The following SH3KBP1 variants were observed in gnomAD, a reference collection of about 807,000 sequenced individuals.
SH3KBP1 encodes the protein SH3 domain-containing kinase-binding protein 1.
In SH3KBP1, 8 loss-of-function variants were observed where a neutral mutation model predicts 50.1. The observed-to-expected ratio is 0.16, with a 90% CI of 0.09 to 0.29. SH3KBP1 has a LOEUF of 0.29. SH3KBP1 is among the 10% of genes least tolerant of loss of function. The probability of loss-of-function intolerance (pLI) is 1.00; values close to 1 mark genes in which losing one functional copy is unlikely to be tolerated. For synonymous variants in SH3KBP1, 227 were observed against 218.6 expected (o/e 1.04, Z -0.34); for missense variants, 377 against 535.2 (o/e 0.70, Z 2.92).
chrX:19,548,846 A>AGAGAGAGAGAGAGAG (rs2065160460), intron 14 of SH3KBP1, among the ~76,000 whole-genome samples: 1 of 110,008 alleles, frequency 9.1e-6, no homozygotes, highest in African/African-American at 3.3e-5. Context: ...AGAGAGAGAG[A>AGAGAGAGAGAGAGAG]AATCGAACTT....
chrX:19,852,726 A>G (rs2068542765), intron 1 of SH3KBP1, among the ~76,000 whole-genome samples: 1 of 110,457 alleles, frequency 9.1e-6, no homozygotes, highest in African/African-American at 3.3e-5. Context: ...AGGCCAAATT[A>G]GGCCTGCTGC....
At chrX:19,750,998 A>C (rs2065049664) in intron 2 of SH3KBP1, among the ~76,000 whole-genome samples, 2 of 110,924 alleles carry the variant, frequency 1.8e-5, no homozygotes, top group African/African-American at 6.6e-5. Flanking sequence ...AGTACATCTC[A>C]CCTCCTAAGA....
chrX:19,883,493 A>G (rs1474502943), intron 1 of SH3KBP1, among the ~76,000 whole-genome samples: 1 of 111,496 alleles, frequency 9.0e-6, no homozygotes, highest in Non-Finnish European at 1.9e-5. Flanking sequence ...CCACAGATAT[A>G]CCTAGAAAGC....
At chrX:19,692,187 C>G (rs1404245978) in intron 5 of SH3KBP1, among the ~76,000 whole-genome samples, 2 of 111,065 alleles carry the variant, frequency 1.8e-5, no homozygotes, top group Non-Finnish European at 3.8e-5. Context: ...ATAAAATATC[C>G]ACCAATACAA....
chrX:19,691,915 G>T (rs922547990), intron 5 of SH3KBP1, among the ~76,000 whole-genome samples: 36 of 111,416 alleles, frequency 3.2e-4, no homozygotes, highest in African/African-American at 1.1e-3. Flanking sequence ...GCGTGCAGAG[G>T]GCTATAATTT....
At chrX:19,701,150 A>C (rs2063526870) in intron 4 of SH3KBP1, among the ~76,000 whole-genome samples, 1 of 111,726 alleles carries the variant, frequency 9.0e-6, no homozygotes, top group African/African-American at 3.3e-5. Flanking sequence ...AAAAACAGCC[A>C]CAGGTCCCCA....
chrX:19,703,046 A>G (rs780453970), intron 4 of SH3KBP1, among the ~76,000 whole-genome samples: 1 of 110,990 alleles, frequency 9.0e-6, no homozygotes, highest in Admixed American at 9.5e-5. Flanking sequence ...TGCTTTGCCA[A>G]CTCCACTATG....
intron 3 of SH3KBP1, among the ~76,000 whole-genome samples, chrX:19,716,260 C>A (rs1226839192): frequency 8.9e-6 from 1 of 111,966 alleles, no homozygotes; most frequent in African/African-American, 3.3e-5. Flanking sequence ...AAGCCAATGG[C>A]ACTCCAAATA....
intron 9 of SH3KBP1, chrX:19,601,474 A>C (rs765399101): frequency 4.5e-5 from 5 of 111,798 alleles, no homozygotes; most frequent in African/African-American, 1.6e-4. Context: ...TTTGGTAAAA[A>C]CAAACAAACA....
At chrX:19,578,362 G>A (rs781074266) in intron 12 of SH3KBP1, among the ~76,000 whole-genome samples, 1 of 111,323 alleles carries the variant, frequency 9.0e-6, no homozygotes, top group Non-Finnish European at 1.9e-5. Flanking sequence ...CTGTCCAGTC[G>A]GGTGCCTGAG....
intron 2 of SH3KBP1, among the ~76,000 whole-genome samples, chrX:19,787,930 T>C (rs1473220821): frequency 9.0e-6 from 1 of 111,268 alleles, no homozygotes; most frequent in Non-Finnish European, 1.9e-5. Context: ...AGATGGCAAA[T>C]AGGGTTCCAA....
chrX:19,602,542 T>A (rs1182252590), intron 9 of SH3KBP1, among the ~76,000 whole-genome samples: 4 of 112,339 alleles, frequency 3.6e-5, no homozygotes, highest in Non-Finnish European at 5.6e-5. Flanking sequence ...CCCATGAAAC[T>A]AAATGTTCAA....
intron 3 of SH3KBP1, among the ~76,000 whole-genome samples, chrX:19,720,909 A>G (rs1400691051): frequency 9.0e-6 from 1 of 111,482 alleles, no homozygotes; most frequent in African/African-American, 3.3e-5. Context: ...GATACACACC[A>G]TAAACAAATC....
Position 19,542,212 on chromosome X carries a change from G to GA in SH3KBP1, c.1624-20_1624-19insT, listed in dbSNP as rs751151428. 2.6e-6 allele frequency: 3 copies of GA among 1,155,652 alleles called. No homozygotes were observed. The African/African-American group carries it at 5.4e-5, about 21-fold the overall frequency. The stretch of plus-strand genomic sequence containing the variant: ...CAGACACCTGTGACGAGGGAAGGCA[G>GA]GGAGGGTTCAGGGCCGGGGATTTGT... On this transcript the variant is annotated intron_variant, in intron 15 of 17. Coordinates refer to ENST00000397821, the MANE Select transcript of SH3KBP1 (RefSeq NM_031892.3).
chrX:19,798,229 C>T (rs1401997289), intron 2 of SH3KBP1, among the ~76,000 whole-genome samples: 1 of 110,022 alleles, frequency 9.1e-6, no homozygotes, highest in Admixed American at 9.7e-5. Flanking sequence ...GGACTACAGG[C>T]GTGTGTCACC....
chrX:19,728,189 C>A (rs1486328632), intron 3 of SH3KBP1, among the ~76,000 whole-genome samples: 1 of 110,691 alleles, frequency 9.0e-6, no homozygotes, highest in Admixed American at 9.6e-5. Context: ...ATTTTTTTTT[C>A]ATGTTTTGGA....
chrX:19,843,617 G>A (rs1420302014), intron 1 of SH3KBP1, among the ~76,000 whole-genome samples: 1 of 111,066 alleles, frequency 9.0e-6, no homozygotes, highest in Admixed American at 9.6e-5. Flanking sequence ...CCCCAACAAA[G>A]ACAGGCTCAG....
At chrX:19,744,598 G>A (rs745813482) in intron 3 of SH3KBP1, among the ~76,000 whole-genome samples, 4 of 112,043 alleles carry the variant, frequency 3.6e-5, no homozygotes, top group South Asian at 3.7e-4. Context: ...CACAACCACC[G>A]GCAGATTCCA....
chrX:19,809,851 C>A (rs1476064782), intron 2 of SH3KBP1, among the ~76,000 whole-genome samples: 3 of 112,168 alleles, frequency 2.7e-5, no homozygotes, highest in Non-Finnish European at 5.6e-5. Flanking sequence ...CTTTTACCCA[C>A]ATTCCTAATT....
Sources: allele counts gnomAD v4.1 joint callset (sites outside exome capture counted in the v4.1 genomes callset), GRCh38; gene constraint gnomAD v4.1.1; transcripts MANE v1.5; gene names NCBI Gene and HGNC (gene_info 2026-07-23, HGNC 2026-07-21).